Variants in MAP4K3 observed in about 807,000 individuals in gnomAD.
The protein encoded by MAP4K3 is MAPK/ERK kinase kinase kinase 3.
MAP4K3 carries 94 observed loss-of-function variants against 143.5 expected under a neutral mutation model. The observed-to-expected ratio is 0.65, with a 90% CI of 0.55 to 0.78. MAP4K3 has a LOEUF of 0.78. Ranked by LOEUF, MAP4K3 falls within the 30% of genes least tolerant of loss-of-function variation. The pLI is 0.00. For synonymous variants in MAP4K3, 416 were observed against 347.2 expected (o/e 1.20, Z -2.20); for missense variants, 1,077 against 1,068.1 (o/e 1.01, Z -0.12).
At chr2:39,292,880 A>T in intron 17 of MAP4K3, 54 bp from the exon 18 acceptor site, 2 of 1,470,066 alleles carry the variant, frequency 1.4e-6, no homozygotes, top group Non-Finnish European at 1.9e-6. Flanking sequence ...CAAAACAGTA[A>T]GAAGAAATTT....
intron 1 of MAP4K3, among the ~76,000 whole-genome samples, chr2:39,392,987 G>A (rs1005365581): frequency 1.3e-5 from 2 of 152,160 alleles, no homozygotes; most frequent in South Asian, 4.1e-4. Context: ...GACTAAGCCA[G>A]GTGTCCATAA....
At chr2:39,259,100 C>T (rs1261054210) in intron 29 of MAP4K3, among the ~76,000 whole-genome samples, 2 of 151,628 alleles carry the variant, frequency 1.3e-5, no homozygotes, top group Non-Finnish European at 2.9e-5. Context: ...TCAAGTGACC[C>T]TCCTGACTTA....
intron 2 of MAP4K3, among the ~76,000 whole-genome samples, chr2:39,371,144 C>T (rs1177938281): frequency 1.3e-5 from 2 of 152,062 alleles, no homozygotes; most frequent in Non-Finnish European, 2.9e-5. Context: ...AGGAAAACTA[C>T]ACGCCAGAGA....
chr2:39,367,009 G>T (rs965929939), intron 2 of MAP4K3, among the ~76,000 whole-genome samples: 2 of 152,026 alleles, frequency 1.3e-5, no homozygotes, highest in African/African-American at 4.8e-5. Context: ...ATGAAAAAAT[G>T]ATTAAAACAG....
intron 13 of MAP4K3, among the ~76,000 whole-genome samples, chr2:39,313,899 AATACTAT>A (rs1683027887): frequency 6.6e-6 from 1 of 152,244 alleles, no homozygotes; most frequent in Admixed American, 6.5e-5. Context: ...GTGATTCAGA[AATACTAT>A]GCTATAAAGG....
chr2:39,416,947 G>C (rs892861753), intron 1 of MAP4K3, among the ~76,000 whole-genome samples: 1 of 152,250 alleles, frequency 6.6e-6, no homozygotes, highest in African/African-American at 2.4e-5. Context: ...TTGTAAAATA[G>C]AGATAATTAA....
chr2:39,271,209 A>C (rs1377039889), intron 26 of MAP4K3, among the ~76,000 whole-genome samples: 1 of 152,196 alleles, frequency 6.6e-6, no homozygotes, highest in Non-Finnish European at 1.5e-5. Flanking sequence ...TACCATATGG[A>C]AACTCCTTAA....
chr2:39,430,759 T>C (rs1665259568), intron 1 of MAP4K3, among the ~76,000 whole-genome samples: 1 of 152,240 alleles, frequency 6.6e-6, no homozygotes, highest in African/African-American at 2.4e-5. Context: ...TTGCTTAATA[T>C]GCCAAAGATA....
rs56011585 is a variant in MAP4K3 at position 39,386,820 on chromosome 2, C to CTTTTTTTTTTTTTTTTTT, written c.97-8698_97-8697insAAAAAAAAAAAAAAAAAA. 2.2e-4 allele frequency among the ~76,000 whole-genome samples: 30 copies of CTTTTTTTTTTTTTTTTTT among 139,128 alleles called. 1 individual carries two copies. Among genetic ancestry groups the CTTTTTTTTTTTTTTTTTT allele is most frequent in the East Asian group, 1.3e-3 (6 of 4,734 alleles). The allele number at this position is 139,128 out of a possible 152,430, so 91.3% of individuals were successfully genotyped here. On this transcript the variant is annotated intron_variant, in intron 1 of 33. Transcript: ENST00000263881. The stretch of plus-strand genomic sequence containing the variant: ...GATTAGTGTAATTTTTTTTGTTGTT[C>CTTTTTTTTTTTTTTTTTT]TTTTTTTTTTTTTGAGACGGAGTCT...
At chr2:39,347,500 T>G (rs1361598580) in intron 3 of MAP4K3, among the ~76,000 whole-genome samples, 1 of 152,124 alleles carries the variant, frequency 6.6e-6, no homozygotes, top group Non-Finnish European at 1.5e-5. Flanking sequence ...CAGAATAACA[T>G]GTAAACTGCT....
intron 3 of MAP4K3, among the ~76,000 whole-genome samples, chr2:39,352,722 A>G (rs756334018): frequency 2.0e-5 from 3 of 152,192 alleles, no homozygotes; most frequent in East Asian, 1.9e-4. Flanking sequence ...GTATTTCTTC[A>G]TAAGCGAGCA....
intron 1 of MAP4K3, among the ~76,000 whole-genome samples, chr2:39,402,385 C>T (rs1206274324): frequency 2.6e-5 from 4 of 152,116 alleles, no homozygotes; most frequent in Non-Finnish European, 5.9e-5. Flanking sequence ...CATAAACCTA[C>T]ACCTCCAAGA....
At chr2:39,365,342 G>T (rs1478932015) in intron 2 of MAP4K3, among the ~76,000 whole-genome samples, 1 of 152,012 alleles carries the variant, frequency 6.6e-6, no homozygotes, top group African/African-American at 2.4e-5. Flanking sequence ...TAGTTTTTCA[G>T]GTTAACTTTG....
At chr2:39,326,835 C>T (rs1181884218) in intron 8 of MAP4K3, among the ~76,000 whole-genome samples, 1 of 152,096 alleles carries the variant, frequency 6.6e-6, no homozygotes, top group Non-Finnish European at 1.5e-5. Context: ...TGGCCGTTTC[C>T]CGAGTGCTCT....
At chr2:39,287,271 T>C (rs759373601) in intron 20 of MAP4K3, among the ~76,000 whole-genome samples, 13 of 150,416 alleles carry the variant, frequency 8.6e-5, no homozygotes, top group Non-Finnish European at 1.5e-4. Flanking sequence ...GATTTATTAT[T>C]ATGTCATCCA....
At chr2:39,283,739 G>C (rs1470978077) in intron 21 of MAP4K3, 1 of 152,212 alleles carries the variant, frequency 6.6e-6, no homozygotes, top group East Asian at 1.9e-4. Context: ...ATTTCTCCAA[G>C]TGGCCACATT....
intron 2 of MAP4K3, among the ~76,000 whole-genome samples, chr2:39,377,735 A>G (rs12712640): frequency 0.69 from 104,173 of 151,958 alleles, 39,125 homozygotes; most frequent in Non-Finnish European, 0.83. Flanking sequence ...TGTTTTTTCC[A>G]CTACATCACA....
chr2:39,293,651 C>T (rs1682149361), intron 16 of MAP4K3, among the ~76,000 whole-genome samples: 1 of 152,114 alleles, frequency 6.6e-6, no homozygotes, highest in Non-Finnish European at 1.5e-5. Flanking sequence ...TTATACCTGA[C>T]ACCTGAAATT....
intron 1 of MAP4K3, among the ~76,000 whole-genome samples, chr2:39,411,422 T>C (rs2148617958): frequency 6.6e-6 from 1 of 152,316 alleles, no homozygotes; most frequent in African/African-American, 2.4e-5. Flanking sequence ...GAGGAAAGAA[T>C]GGTGTATGGT....
Sources: allele counts gnomAD v4.1 joint callset (sites outside exome capture counted in the v4.1 genomes callset), GRCh38; gene constraint gnomAD v4.1.1; transcripts MANE v1.5; gene names NCBI Gene and HGNC (gene_info 2026-07-23, HGNC 2026-07-21).